CKAP5: variants seen among roughly 807,000 people sequenced by gnomAD.
CKAP5 encodes cytoskeleton-associated protein 5.
A neutral mutation model predicts 232.8 loss-of-function variants in CKAP5; 27 were observed. The ratio of observed to expected loss-of-function variants is 0.12; its 90% CI spans 0.09 to 0.16. The LOEUF is 0.16. CKAP5 is among the 10% of genes least tolerant of loss of function. The pLI is 1.00. For synonymous variants in CKAP5, 785 were observed against 841.1 expected, an observed-to-expected ratio of 0.93 and a Z score of 1.16; for missense variants, 1,838 against 2,424.7, an observed-to-expected ratio of 0.76 and a Z score of 5.08.
chr11:46,788,830 G>C, intron 15 of CKAP5, 57 bp from the exon 16 acceptor site: 4 of 1,245,732 alleles, frequency 3.2e-6, no homozygotes, highest in East Asian at 4.7e-5. Flanking sequence ...TCCAAAGGAA[G>C]AGTAAATACC....
chr11:46,764,943 G>A (rs2134595991), intron 28 of CKAP5, among the ~76,000 whole-genome samples, 188 bp downstream of exon 28: 1 of 65,430 alleles, frequency 1.5e-5, no homozygotes, highest in South Asian at 5.1e-4. Context: ...GGGAAAAATA[G>A]GCAATAACTC....
At chr11:46,776,225 T>C (rs765420603) in intron 24 of CKAP5, 30 bp downstream of exon 24, 1 of 1,605,894 alleles carries the variant, frequency 6.2e-7, no homozygotes, top group East Asian at 2.2e-5. Context: ...ATGACATGAG[T>C]AATGCACATG....
chr11:46,761,105 T>C (rs1241924940), intron 32 of CKAP5, among the ~76,000 whole-genome samples: 1 of 151,956 alleles, frequency 6.6e-6, no homozygotes, highest in Non-Finnish European at 1.5e-5. Context: ...AAAAATAAGC[T>C]GGGTGTGGTG....
At chr11:46,788,430 C>T (rs887934100) in intron 16 of CKAP5, among the ~76,000 whole-genome samples, 1 of 152,092 alleles carries the variant, frequency 6.6e-6, no homozygotes, top group Admixed American at 6.6e-5. Context: ...CAAAATTAGC[C>T]GGGCATGGTA....
rs1359478194 is a variant in CKAP5, at chr11:46,818,430, G to A, written c.131C>T (p.Pro44Leu). 2 of 1,610,350 alleles carry A rather than the reference G, an allele frequency of 1.2e-6. No homozygotes were observed. Among genetic ancestry groups the A allele is most frequent in the African/African-American group, 2.7e-5 (2 of 74,622 alleles). Residue 44 changes from proline (P) to leucine (L), a missense_variant, in exon 3 of 44, where the codon CCA (proline) becomes CTA (leucine). Physicochemically the swap from Pro to Leu is moderately conservative, Grantham distance 98 (BLOSUM62 -3). This residue lies in a region of CKAP5 where 285 missense variants were observed against 300.0 expected (regional missense o/e 0.95). Coordinates refer to ENST00000529230, the MANE Select transcript of CKAP5 (RefSeq NM_001008938.4). ...IFQKIKDEKS[P>L]EWSKFLGLIK... is the part of the protein sequence containing the mutation. Reference sequence around the variant, plus strand: ...CAATCCTAAAAATTTGGACCACTCTGGGCTCTTTTCATCCTTTATTTTCTG... The same window carrying A: ...CAATCCTAAAAATTTGGACCACTCTAGGCTCTTTTCATCCTTTATTTTCTG...
intron 11 of CKAP5, among the ~76,000 whole-genome samples, chr11:46,797,501 A>G (rs1938907494): frequency 6.6e-6 from 1 of 152,204 alleles, no homozygotes; most frequent in South Asian, 2.1e-4. Context: ...TCACTCCCAA[A>G]TGATCTTCAA....
chr11:46,774,060 AG>A (rs2065271472), intron 24 of CKAP5, among the ~76,000 whole-genome samples: 2 of 152,230 alleles, frequency 1.3e-5, no homozygotes, highest in Admixed American at 6.5e-5. Context: ...GTATTGAAAT[AG>A]GAAGAGAGGA....
At position 46,808,992 on chromosome 11, in the gene CKAP5, G is replaced by C. The variant is rs1462391378; in HGVS notation, c.864+408C>G. ...AGGGAGATGGTATTACTGACATCTAGTGGATAAAAGCCAAAGATGCTGCTA... is the reference window on the plus strand; with the variant it reads ...AGGGAGATGGTATTACTGACATCTACTGGATAAAAGCCAAAGATGCTGCTA... On this transcript the variant is annotated intron_variant, in intron 7 of 43. Transcript: ENST00000529230. Among the ~76,000 whole-genome samples, 3 of 152,200 alleles carry C rather than the reference G, an allele frequency of 2.0e-5. 1 individual carries two copies. The highest frequency in any genetic ancestry group is 2.0e-4 in the Admixed American group (3 of 15,270).
At chr11:46,749,869 T>G (rs2065050132) in intron 42 of CKAP5, among the ~76,000 whole-genome samples, 1 of 149,240 alleles carries the variant, frequency 6.7e-6, no homozygotes, top group Non-Finnish European at 1.5e-5. Flanking sequence ...GAGAATAGCT[T>G]GAACCCGAGA....
chr11:46,811,223 TTAAA>T (rs1230731214), intron 4 of CKAP5, 45 bp from the exon 5 acceptor site: 10 of 1,468,240 alleles, frequency 6.8e-6, no homozygotes, highest in Non-Finnish European at 7.6e-6. Flanking sequence ...TGCAATGCAA[TTAAA>T]TAAAGCATTA....
chr11:46,776,897 T>C (rs913471167), intron 23 of CKAP5, among the ~76,000 whole-genome samples: 1 of 152,178 alleles, frequency 6.6e-6, no homozygotes, highest in Non-Finnish European at 1.5e-5. Context: ...GATATTCAAA[T>C]ATTTAGTCTA....
chr11:46,800,245 C>A, intron 9 of CKAP5, among the ~76,000 whole-genome samples: 1 of 152,048 alleles, frequency 6.6e-6, no homozygotes, highest in African/African-American at 2.4e-5. Context: ...ATTTTTATTT[C>A]CCTAGTAATA....
chr11:46,785,113 C>G (rs1421416198), intron 16 of CKAP5, among the ~76,000 whole-genome samples: 4 of 152,120 alleles, frequency 2.6e-5, no homozygotes, highest in Non-Finnish European at 2.9e-5. Flanking sequence ...CACAGAACTT[C>G]AGAGATTTTA....
rs2065084263 is a variant in CKAP5 at position 46,753,295 on chromosome 11, A to G, written c.5057+15T>C. Reference sequence around the variant, plus strand: ...AGGATGCCCCAGGCTCTATTGGCTGAGAGTACAGATATACCTCAGGATGTT... The same window carrying G: ...AGGATGCCCCAGGCTCTATTGGCTGGGAGTACAGATATACCTCAGGATGTT... On this transcript the variant is annotated intron_variant, in intron 37 of 43. Transcript: ENST00000529230. 1.3e-6 allele frequency: 2 copies of G among 1,578,714 alleles called. No homozygotes were observed. The highest frequency in any genetic ancestry group is 1.7e-6 in the Non-Finnish European group (2 of 1,165,892).
chr11:46,772,557 G>A (rs1023188137), intron 24 of CKAP5, among the ~76,000 whole-genome samples: 4 of 152,122 alleles, frequency 2.6e-5, no homozygotes, highest in Non-Finnish European at 4.4e-5. Context: ...CTTCCTTCAC[G>A]GACTTATTTT....
Position 46,744,434 on chromosome 11 carries a change from T to G in CKAP5, c.5848A>C (p.Asn1950His). ...AAGAAAAGGAGCAGTACCTTTGTGT[T>G]GTCCAGACCACATCGCTGTCGGAGG... ...KILRQRCGLD[N>H]TKQDDRPPLT... The change falls in exon 43 of 44, where the codon AAC becomes CAC. Residue 1950 changes from asparagine to histidine, a missense_variant. By Grantham distance (68) the Asn-to-His change is moderately conservative. Coordinates refer to ENST00000529230, the MANE Select transcript of CKAP5 (RefSeq NM_001008938.4). 1 of 1,614,116 alleles carries G rather than the reference T, an allele frequency of 6.2e-7. No individual in the cohort carries two copies. The highest frequency in any genetic ancestry group is 8.5e-7 in the Non-Finnish European group (1 of 1,180,008).
At chr11:46,836,903 G>A (rs1258129723) in intron 1 of CKAP5, among the ~76,000 whole-genome samples, 1 of 152,174 alleles carries the variant, frequency 6.6e-6, no homozygotes. Context: ...TTTAATGTAT[G>A]CAAATTTTAA....
chr11:46,773,643 A>C (rs1174406384), intron 24 of CKAP5, among the ~76,000 whole-genome samples: 1 of 151,868 alleles, frequency 6.6e-6, no homozygotes, highest in Non-Finnish European at 1.5e-5. Context: ...CCTGGATTCA[A>C]GCGATTCTCC....
intron 13 of CKAP5, among the ~76,000 whole-genome samples, chr11:46,795,009 C>A (rs754323545): frequency 1.3e-5 from 2 of 152,056 alleles, no homozygotes; most frequent in East Asian, 3.9e-4. Context: ...TATAAACATA[C>A]TTAATATTAA....
Sources: gnomAD v4.1 joint callset for allele counts (sites outside exome capture counted in the v4.1 genomes callset) on GRCh38, gnomAD v4.1.1 for gene constraint, gnomAD v4.1.1 regional missense constraint, MANE v1.5 for transcripts, NCBI Gene and HGNC (gene_info 2026-07-23, HGNC 2026-07-21) for gene names.